The following GRID2 variants were observed in gnomAD, a reference collection of about 807,000 sequenced individuals.
GRID2 encodes glutamate receptor ionotropic, delta-2.
GRID2 carries 33 observed loss-of-function variants against 114.8 expected under a neutral mutation model. That is an observed-to-expected ratio of 0.29 (90% CI 0.22 to 0.38). GRID2 has a LOEUF of 0.38. GRID2 is among the 10% of genes least tolerant of loss of function. The pLI is 1.00. For missense variants in GRID2, 1,184 were observed against 1,257.7 expected (o/e 0.94, Z 0.89); for synonymous variants, 505 against 449.9 (o/e 1.12, Z -1.55).
chr4:92,780,673 G>T (rs1017133021), intron 2 of GRID2, among the ~76,000 whole-genome samples: 1 of 152,062 alleles, frequency 6.6e-6, no homozygotes, highest in African/African-American at 2.4e-5. Flanking sequence ...CTTCAGATAA[G>T]TAACCCTGGC....
intron 1 of GRID2, among the ~76,000 whole-genome samples, chr4:93,796,543 G>C (rs1561006890): frequency 1.3e-5 from 2 of 151,962 alleles, no homozygotes; most frequent in Non-Finnish European, 1.5e-5. Context: ...TCTTTTGTTT[G>C]TTTGTTTGTT....
At chr4:92,920,752 T>C (rs1219502658) in intron 2 of GRID2, among the ~76,000 whole-genome samples, 5 of 152,186 alleles carry the variant, frequency 3.3e-5, no homozygotes, top group Admixed American at 2.0e-4. Context: ...TGTGGGTAAC[T>C]CGACCTTTCT....
intron 14 of GRID2, among the ~76,000 whole-genome samples, chr4:93,731,214 G>T (rs1056733096): frequency 2.0e-5 from 3 of 152,150 alleles, no homozygotes; most frequent in Non-Finnish European, 2.9e-5. Context: ...AGGTTGAGGC[G>T]CAGGGGCACC....
intron 10 of GRID2, among the ~76,000 whole-genome samples, chr4:93,435,288 TG>T (rs941524608): frequency 6.6e-6 from 1 of 152,188 alleles, no homozygotes; most frequent in Non-Finnish European, 1.5e-5. Flanking sequence ...AACCATTCAA[TG>T]GGATCTCATT....
chr4:92,407,672 CTGA>C (rs1392872987), intron 1 of GRID2, among the ~76,000 whole-genome samples: 1 of 152,072 alleles, frequency 6.6e-6, no homozygotes. Context: ...TTGCATTTCT[CTGA>C]TGATAAGTGA....
intron 13 of GRID2, among the ~76,000 whole-genome samples, chr4:93,517,332 T>C (rs1369956375): frequency 6.6e-6 from 1 of 152,104 alleles, no homozygotes; most frequent in African/African-American, 2.4e-5. Context: ...AGGTAGATAA[T>C]AATTTCTATT....
chr4:93,281,427 T>A (rs1752640967), intron 8 of GRID2, among the ~76,000 whole-genome samples: 1 of 151,838 alleles, frequency 6.6e-6, no homozygotes, highest in Non-Finnish European at 1.5e-5. Flanking sequence ...ATTGCAGGAA[T>A]GATGGGCCAT....
chr4:93,534,350 A>C (rs2149518290), intron 13 of GRID2, among the ~76,000 whole-genome samples: 1 of 152,260 alleles, frequency 6.6e-6, no homozygotes, highest in Non-Finnish European at 1.5e-5. Flanking sequence ...ACATATACTC[A>C]GTGAAATGGT....
At chr4:93,549,874 C>T (rs1164585477) in intron 13 of GRID2, among the ~76,000 whole-genome samples, 4 of 152,166 alleles carry the variant, frequency 2.6e-5, no homozygotes, top group Non-Finnish European at 5.9e-5. Context: ...AGACTGAGAA[C>T]AGGTTTTTAA....
At chr4:92,563,329 C>T (rs1162014654) in intron 1 of GRID2, among the ~76,000 whole-genome samples, 2 of 152,092 alleles carry the variant, frequency 1.3e-5, no homozygotes, top group Non-Finnish European at 2.9e-5. Context: ...TTTGTGGTAT[C>T]CTTCAAGAGC....
chr4:93,492,665 T>G (rs1727133571), intron 12 of GRID2, among the ~76,000 whole-genome samples: 1 of 151,902 alleles, frequency 6.6e-6, no homozygotes, highest in Non-Finnish European at 1.5e-5. Context: ...CTATAATTGG[T>G]ATCTACCATT....
intron 2 of GRID2, among the ~76,000 whole-genome samples, chr4:92,737,118 T>C (rs1465532976): frequency 6.6e-6 from 1 of 152,068 alleles, no homozygotes; most frequent in Non-Finnish European, 1.5e-5. Flanking sequence ...TAATGATAAA[T>C]GCAGCTTCCA....
chr4:92,611,926 T>A (rs1190881494), intron 2 of GRID2, among the ~76,000 whole-genome samples: 1 of 151,534 alleles, frequency 6.6e-6, no homozygotes, highest in Non-Finnish European at 1.5e-5. Context: ...TTTGCAAGTA[T>A]CTTCTACTAG....
At chr4:93,155,339 G>T (rs1294092357) in intron 4 of GRID2, among the ~76,000 whole-genome samples, 2 of 151,826 alleles carry the variant, frequency 1.3e-5, no homozygotes, top group Non-Finnish European at 2.9e-5. Flanking sequence ...TGCACAGAAG[G>T]CCTTTTCTCC....
At chr4:93,703,611 C>T (rs982831180) in intron 14 of GRID2, among the ~76,000 whole-genome samples, 1 of 151,670 alleles carries the variant, frequency 6.6e-6, no homozygotes, top group Non-Finnish European at 1.5e-5. Flanking sequence ...CGTCATTTAA[C>T]ATTAGGTATA....
intron 1 of GRID2, among the ~76,000 whole-genome samples, chr4:92,474,322 C>T (rs945017923): frequency 2.0e-5 from 3 of 152,042 alleles, no homozygotes; most frequent in Non-Finnish European, 2.9e-5. Context: ...CCTCCAGTTT[C>T]ATCCATGTTG....
chr4:93,132,713 A>G (rs1419191848), intron 4 of GRID2, among the ~76,000 whole-genome samples: 1 of 152,162 alleles, frequency 6.6e-6, no homozygotes, highest in Non-Finnish European at 1.5e-5. Context: ...TCATACCGGG[A>G]AGGCATCTCT....
intron 1 of GRID2, among the ~76,000 whole-genome samples, chr4:92,543,018 C>T (rs1045958570): frequency 6.6e-6 from 1 of 151,994 alleles, no homozygotes; most frequent in African/African-American, 2.4e-5. Flanking sequence ...ATGATAGGCT[C>T]ATCTTTTTTG....
At chr4:93,027,628 T>C (rs1361641902) in intron 2 of GRID2, among the ~76,000 whole-genome samples, 3 of 152,154 alleles carry the variant, frequency 2.0e-5, no homozygotes, top group Non-Finnish European at 4.4e-5. Flanking sequence ...ATTGAATAAG[T>C]GTTAAAATGT....
Sources: allele counts gnomAD v4.1 joint callset (sites outside exome capture counted in the v4.1 genomes callset), GRCh38; gene constraint gnomAD v4.1.1; transcripts MANE v1.5; gene names NCBI Gene and HGNC (gene_info 2026-07-23, HGNC 2026-07-21).